CAPN1: variants seen among roughly 807,000 people sequenced by gnomAD.
CAPN1 encodes the protein calpain 1, also known as calpain-1 catalytic subunit.
In CAPN1, 77 loss-of-function variants were observed where a neutral mutation model predicts 105.2. The ratio of observed to expected loss-of-function variants is 0.73; its 90% CI spans 0.61 to 0.88. CAPN1 has a LOEUF of 0.88. CAPN1 is among the 40% of genes least tolerant of loss of function. CAPN1 has a pLI of 0.00. For missense variants in CAPN1, 833 were observed against 976.6 expected, an observed-to-expected ratio of 0.85 and a Z score of 1.96; for synonymous variants, 355 against 388.8, an observed-to-expected ratio of 0.91 and a Z score of 1.02.
rs766291084 is a variant in CAPN1 at position 65,189,117 on chromosome 11, G to A, written c.1165+371G>A. On this transcript the variant is annotated intron_variant, in intron 10 of 21. Transcript: ENST00000279247. ...TGGCTGACTACAACCTCCATCTCCCGGATTCAAGCAATTCTCCTGCCTTAG... is the reference window on the plus strand; with the variant it reads ...TGGCTGACTACAACCTCCATCTCCCAGATTCAAGCAATTCTCCTGCCTTAG... Among the ~76,000 whole-genome samples, 6 of 151,758 alleles carry A rather than the reference G, an allele frequency of 4.0e-5. 1 individual carries two copies. The highest frequency in any genetic ancestry group is 7.4e-5 in the Non-Finnish European group (5 of 67,958).
At position 65,189,406 on chromosome 11, in the gene CAPN1, G is replaced by C. The variant is rs560018236; in HGVS notation, c.1165+660G>C. Among the ~76,000 whole-genome samples the C allele has an allele frequency of 2.2e-4, 33 of 152,166 alleles. 2 individuals are homozygous for C. In the South Asian group the frequency reaches 6.6e-3, roughly 31 times the overall value. ...CCACAGCCTGGCCTCTCAGTTCCTT[G>C]TCACTCTCACTGCAGCACGCTTTTT... On this transcript the variant is annotated intron_variant, in intron 10 of 21. Coordinates refer to ENST00000279247, the MANE Select transcript of CAPN1 (RefSeq NM_005186.4).
At chr11:65,182,631 C>T (rs1433970257) in intron 1 of CAPN1, 70 bp from the exon 2 acceptor site, 6 of 1,432,148 alleles carry the variant, frequency 4.2e-6, no homozygotes, top group Non-Finnish European at 5.5e-6. Flanking sequence ...GAGAGCAGAG[C>T]TTGCAGGCAG....
Position 65,204,821 on chromosome 11 carries a change from G to A in CAPN1, c.1304G>A (p.Gly435Asp). Residue 435 changes from glycine (G) to aspartate (D), a missense_variant, in exon 11 of 22, where the codon GGC (glycine) becomes GAC (aspartate). Gly to Asp is a moderately conservative substitution (Grantham distance 94, BLOSUM62 -1). Transcript: ENST00000279247. ...QKHRRRERRF[G>D]RDMETIGFAV... ...CACCGTCGCCGCGAGCGCCGCTTCGGCCGCGACATGGAGACTATTGGCTTC... is the reference window on the plus strand; with the variant it reads ...CACCGTCGCCGCGAGCGCCGCTTCGACCGCGACATGGAGACTATTGGCTTC... The A allele has an allele frequency of 6.2e-7, 1 of 1,612,140 alleles. No homozygotes were observed. Among genetic ancestry groups the A allele is most frequent in the Non-Finnish European group, 8.5e-7 (1 of 1,179,266 alleles).
intron 10 of CAPN1, among the ~76,000 whole-genome samples, chr11:65,191,832 A>C (rs1315884877): frequency 6.6e-6 from 1 of 150,830 alleles, no homozygotes; most frequent in African/African-American, 2.4e-5. Flanking sequence ...TTTTATTCTT[A>C]TTTTTAGGAG....
At chr11:65,190,985 G>A (rs186178355) in intron 10 of CAPN1, among the ~76,000 whole-genome samples, 17 of 152,254 alleles carry the variant, frequency 1.1e-4, no homozygotes, top group East Asian at 5.8e-4. Context: ...GATTACAGGC[G>A]TGAGCCACTG....
In CAPN1 at chr11:65,208,121, G is replaced by T. The variant is rs748146362; in HGVS notation, c.1671+1G>T. On this transcript the variant is annotated splice_donor_variant, in intron 15 of 21. Transcript: ENST00000279247. LOFTEE classifies it high-confidence loss of function. The surrounding 1 kb of genome is among the most constrained non-coding windows in gnomAD (Gnocchi z 4.1). ...CCTCTTCAGGCAGCTGGCAGGGGAG[G>T]TAGGTTGGGGCATGGCAGGTTGGGA... The T allele has an allele frequency of 1.2e-5, 20 of 1,607,630 alleles. No homozygotes were observed. The highest frequency in any genetic ancestry group is 1.7e-5 in the Non-Finnish European group (20 of 1,177,188).
chr11:65,198,908 C>A (rs1368010800), intron 10 of CAPN1, among the ~76,000 whole-genome samples: 8 of 152,210 alleles, frequency 5.3e-5, no homozygotes, highest in African/African-American at 1.7e-4. Context: ...GATCTCCACT[C>A]ACCGCAACCT....
chr11:65,209,254 A>G lies in CAPN1; in HGVS notation c.1730-69A>G. The stretch of plus-strand genomic sequence containing the variant: ...GTGCGTCCTTGACTCTGCCCCACCC[A>G]GTGCTCCCAGCAGGGGCAGGTGCAG... On this transcript the variant is annotated intron_variant, in intron 16 of 21. Coordinates refer to ENST00000279247, the MANE Select transcript of CAPN1 (RefSeq NM_005186.4). This position sits in a 1 kb window ranked among gnomAD's most constrained non-coding sequence, Gnocchi z 4.1. 2.3e-6 allele frequency: 3 copies of G among 1,279,010 alleles called. No homozygotes were observed. The highest frequency in any genetic ancestry group is 2.4e-5 in the East Asian group (1 of 41,712). 79.2% of individuals were successfully genotyped at this position (1,279,010 alleles called of 1,614,324 possible). A position where few individuals can be genotyped will look rare whatever the true frequency, so the allele number is the denominator to read the frequency against.
rs773910826 is a variant in CAPN1 at position 65,210,367 on chromosome 11, C to G, written c.1974C>G (p.Leu658=). 16 of 1,613,276 alleles carry G rather than the reference C, an allele frequency of 9.9e-6. No homozygotes were observed. The South Asian group carries it at 1.5e-4, about 16-fold the overall frequency. The part of the protein sequence containing the change: ...GFKLNKKLYE[L]IITRYSEPDL... Reference sequence around the variant, plus strand: ...AGCTCAACAAGAAGCTGTACGAGCTCATCATCACCCGCTACTCGGAGCCCG... The same window carrying G: ...AGCTCAACAAGAAGCTGTACGAGCTGATCATCACCCGCTACTCGGAGCCCG... Residue 658 remains leucine (L), a synonymous_variant, in exon 20 of 22, where the codon CTC becomes CTG. Transcript: ENST00000279247. The surrounding 1 kb of genome is among the most constrained non-coding windows in gnomAD (Gnocchi z 4.3).
At chr11:65,183,285 T>A (rs1165596097) in intron 3 of CAPN1, 88 bp downstream of exon 3, 44 of 1,327,038 alleles carry the variant, frequency 3.3e-5, no homozygotes, top group Non-Finnish European at 4.7e-5. Context: ...AACCCCTCCC[T>A]CTTGCAAGCC....
chr11:65,186,096 G>A, intron 5 of CAPN1, 46 bp downstream of exon 5: 1 of 1,607,448 alleles, frequency 6.2e-7, no homozygotes, highest in South Asian at 1.1e-5. Flanking sequence ...GCTCCCCCTA[G>A]GGGTGGGGGC....
chr11:65,201,413 C>A (rs1948867370), intron 10 of CAPN1, among the ~76,000 whole-genome samples: 1 of 152,198 alleles, frequency 6.6e-6, no homozygotes, highest in Non-Finnish European at 1.5e-5. Flanking sequence ...ACTAAATTAT[C>A]TTCTTAAGGT....
intron 10 of CAPN1, among the ~76,000 whole-genome samples, chr11:65,193,147 A>ATT (rs762975839): frequency 1.3e-4 from 17 of 129,358 alleles, no homozygotes; most frequent in African/African-American, 2.6e-4. Context: ...CGCCTGGCTA[A>ATT]TTTTTTTTTT....
chr11:65,209,758 C>A lies in CAPN1; in HGVS notation c.1795-91C>A. On this transcript the variant is annotated intron_variant, in intron 17 of 21. Transcript: ENST00000279247. This position sits in a 1 kb window ranked among gnomAD's most constrained non-coding sequence, Gnocchi z 4.1. ...CCTCACCCAGCCCCAAGTCGACTTG[C>A]CGGCTCGGCGGCCATCTCCCCTTCT... The A allele has an allele frequency of 2.3e-6, 3 of 1,305,286 alleles. No individual in the cohort carries two copies. Among genetic ancestry groups the A allele is most frequent in the Non-Finnish European group, 3.2e-6 (3 of 926,440 alleles). The allele number at this position is 1,305,286 out of a possible 1,614,324, so 80.9% of individuals were successfully genotyped here. A position where few individuals can be genotyped will look rare whatever the true frequency, so the allele number is the denominator to read the frequency against.
chr11:65,188,035 C>A lies in CAPN1; in HGVS notation c.924C>A (p.Ser308Arg). 6.4e-7 allele frequency: 1 copy of A among 1,557,244 alleles called. No individual in the cohort carries two copies. Among genetic ancestry groups the A allele is most frequent in the Non-Finnish European group, 8.7e-7 (1 of 1,150,396 alleles). The change falls in exon 8 of 22, where the codon AGC becomes AGA. Residue 308 changes from serine (S) to arginine (R), a missense_variant. Physicochemically the swap from Ser to Arg is moderately radical, Grantham distance 110. Transcript: ENST00000279247. The surrounding 1 kb of genome is among the most constrained non-coding windows in gnomAD (Gnocchi z 5.5). ...WGEVEWTGAW[S>R]DSSSEWNNVD... is the part of the protein sequence containing the mutation. ...AGGTGGAGTGGACGGGAGCCTGGAGCGACAGGTGAGGGGCAGTGGGCACTG... is the reference window on the plus strand; with the variant it reads ...AGGTGGAGTGGACGGGAGCCTGGAGAGACAGGTGAGGGGCAGTGGGCACTG...
At chr11:65,183,317 C>A in intron 3 of CAPN1, 120 bp downstream of exon 3, 1 of 1,176,542 alleles carries the variant, frequency 8.5e-7, no homozygotes, top group Non-Finnish European at 1.3e-6. Context: ...TGGCTATCAG[C>A]GCTGGGGCTG....
chr11:65,185,912 C>A lies in CAPN1; in HGVS notation c.457-5C>A, dbSNP rs181157347. 1.2e-4 allele frequency: 186 copies of A among 1,577,034 alleles called. No homozygotes were observed. In the East Asian group the frequency reaches 4.0e-3, roughly 34 times the overall value. ...GCAGGTACTCACCGTGCCCCTCCCC[C>A]ACAGCTGTGGCAATTTGGGGAGTGG... On this transcript the variant is annotated splice_polypyrimidine_tract_variant and splice_region_variant and intron_variant, in intron 4 of 21. Transcript: ENST00000279247.
Position 65,210,936 on chromosome 11 carries a change from C to A in CAPN1, c.2118+64C>A. 2 of 1,371,054 alleles carry A rather than the reference C, an allele frequency of 1.5e-6. No homozygotes were observed. The highest frequency in any genetic ancestry group is 1.0e-6 in the Non-Finnish European group (1 of 958,986). The allele number at this position is 1,371,054 out of a possible 1,614,324, so 84.9% of individuals were successfully genotyped here. On this transcript the variant is annotated intron_variant, in intron 21 of 21. Transcript: ENST00000279247. This position sits in a 1 kb window ranked among gnomAD's most constrained non-coding sequence, Gnocchi z 4.3. ...CAGGCGATCGAATTTTCTTATCTGG[C>A]CAGTGTTCCCTGTCCTTTCCTGGAA...
At chr11:65,182,588 A>G in intron 1 of CAPN1, 113 bp from the exon 2 acceptor site, 1 of 1,191,484 alleles carries the variant, frequency 8.4e-7, no homozygotes, top group Non-Finnish European at 1.1e-6. Context: ...AGGCAGGGAA[A>G]CCCTAGGTTT....
Sources: gnomAD v4.1 joint callset for allele counts (sites outside exome capture counted in the v4.1 genomes callset) on GRCh38, gnomAD v4.1.1 for gene constraint, Gnocchi (gnomAD v3.1) non-coding constraint, MANE v1.5 for transcripts, NCBI Gene and HGNC (gene_info 2026-07-23, HGNC 2026-07-21) for gene names.